The following MEGF6 variants were observed in gnomAD, a reference collection of about 807,000 sequenced individuals.
The protein encoded by MEGF6 is multiple EGF like domains 6.
MEGF6 carries 184 observed loss-of-function variants against 207.1 expected under a neutral mutation model. That is an observed-to-expected ratio of 0.89 (90% CI 0.79 to 1.00). The LOEUF is 1.00. Ranked by LOEUF, MEGF6 falls within the 50% of genes least tolerant of loss-of-function variation. The pLI is 0.00. For synonymous variants in MEGF6, 1,038 were observed against 910.0 expected (o/e 1.14, Z -2.53); for missense variants, 2,282 against 2,202.9 (o/e 1.04, Z -0.72).
chr1:3,591,648 G>T (rs7532517), intron 3 of MEGF6, among the ~76,000 whole-genome samples: 2,214 of 128,266 alleles, frequency 0.017, 28 homozygotes, highest in South Asian at 0.05. Flanking sequence ...CAAGGTCTCA[G>T]AGCTCACAAG....
Position 3,514,687 on chromosome 1 carries a change from C to A in MEGF6, c.731-15G>T. The stretch of plus-strand genomic sequence containing the variant: ...CGGGCTTCTACCTGCAGCCACGGGC[C>A]CGAGGAGGGGGTTGGGGAGAGGGGA... On this transcript the variant is annotated splice_polypyrimidine_tract_variant and intron_variant, in intron 6 of 36. Coordinates refer to ENST00000356575, the MANE Select transcript of MEGF6 (RefSeq NM_001409.4). The A allele has an allele frequency of 6.4e-7, 1 of 1,563,122 alleles. No homozygotes were observed. The highest frequency in any genetic ancestry group is 2.3e-5 in the East Asian group (1 of 43,254).
chr1:3,557,025 CAG>C (rs977306979), intron 4 of MEGF6, among the ~76,000 whole-genome samples: 1 of 152,082 alleles, frequency 6.6e-6, no homozygotes, highest in Non-Finnish European at 1.5e-5. Flanking sequence ...AGGTCGGAGT[CAG>C]AGAGAGAGGC....
intron 34 of MEGF6, chr1:3,493,223 G>A (rs1418945369): frequency 4.5e-6 from 1 of 220,220 alleles, no homozygotes; most frequent in African/African-American, 2.3e-5. Context: ...CTATCCTCAG[G>A]TGGGTCCCTC....
At chr1:3,571,620 T>C (rs1398893805) in intron 4 of MEGF6, among the ~76,000 whole-genome samples, 1 of 151,160 alleles carries the variant, frequency 6.6e-6, no homozygotes, top group Non-Finnish European at 1.5e-5. Flanking sequence ...TTTCCTGGTA[T>C]GCTGGCCCTG....
intron 4 of MEGF6, among the ~76,000 whole-genome samples, chr1:3,554,145 C>T (rs568779421): frequency 5.3e-5 from 8 of 152,206 alleles, no homozygotes; most frequent in South Asian, 2.1e-4. Flanking sequence ...CGCCCCATCC[C>T]GCCCCCGGCA....
intron 5 of MEGF6, among the ~76,000 whole-genome samples, chr1:3,519,662 C>T (rs1240216606): frequency 6.6e-6 from 1 of 152,242 alleles, no homozygotes; most frequent in Non-Finnish European, 1.5e-5. Context: ...CTACGCAGTG[C>T]CCGGCTCCAG....
Position 3,529,500 on chromosome 1 carries a change from G to A in MEGF6, c.482-5254C>T, listed in dbSNP as rs558807673. Among the ~76,000 whole-genome samples, 54 of 152,342 alleles carry A rather than the reference G, an allele frequency of 3.5e-4. 1 individual carries two copies. The South Asian group carries it at 0.01, about 29-fold the overall frequency. ...TGAGAGACGAGTGGGCTCAGAGAGC[G>A]GCTATTTTAAGGAACAGCTGGGCCA... On this transcript the variant is annotated intron_variant, in intron 4 of 36. Coordinates refer to ENST00000356575, the MANE Select transcript of MEGF6 (RefSeq NM_001409.4).
intron 17 of MEGF6, 26 bp from the exon 18 acceptor site, chr1:3,501,947 T>C (rs763666088): frequency 6.8e-7 from 1 of 1,479,118 alleles, no homozygotes; most frequent in Non-Finnish European, 9.0e-7. Flanking sequence ...CGAGGGGCCT[T>C]AGCCGCACCA....
intron 2 of MEGF6, among the ~76,000 whole-genome samples, chr1:3,601,924 A>G (rs60957843): frequency 0.54 from 82,689 of 152,026 alleles, 22,688 homozygotes; most frequent in Non-Finnish European, 0.59. Context: ...CTTCCCTCCC[A>G]CAGACACACG....
Position 3,497,036 on chromosome 1 carries a change from C to CGGTGGCAG in MEGF6, c.3557_3564dup (p.Gly1189LeufsTer88). ...TAGCCAGCAGCACATGAGCAGGTCC[C>CGGTGGCAG]GGTGGCAGGGTGGCAGGCCGGGTTC... is the stretch of plus-strand genomic sequence containing the variant. On this transcript the variant is annotated frameshift_variant, in exon 28 of 37. Transcript: ENST00000356575. LOFTEE classifies it high-confidence loss of function. 1 of 1,553,682 alleles carries CGGTGGCAG rather than the reference C, an allele frequency of 6.4e-7. No individual in the cohort carries two copies. The highest frequency in any genetic ancestry group is 1.2e-5 in the South Asian group (1 of 84,436).
chr1:3,500,843 G>C (rs561462937), intron 20 of MEGF6, 79 bp from the exon 21 acceptor site: 23 of 1,592,298 alleles, frequency 1.4e-5, no homozygotes, highest in Non-Finnish European at 2.0e-5. Flanking sequence ...GCACAGGGGC[G>C]TCTCAGGACT....
chr1:3,501,530 C>G (rs1337198427), intron 18 of MEGF6, among the ~76,000 whole-genome samples: 1 of 152,108 alleles, frequency 6.6e-6, no homozygotes, highest in African/African-American at 2.4e-5. Context: ...CACCGTTCAG[C>G]TGGCAACACA....
intron 35 of MEGF6, among the ~76,000 whole-genome samples, chr1:3,492,241 G>A (rs769843689): frequency 1.3e-5 from 2 of 152,174 alleles, no homozygotes; most frequent in African/African-American, 2.4e-5. Flanking sequence ...CCTGGTGCAC[G>A]TGTATGGGGG....
chr1:3,580,880 G>A (rs1346713847), intron 3 of MEGF6, among the ~76,000 whole-genome samples: 1 of 152,112 alleles, frequency 6.6e-6, no homozygotes, highest in Non-Finnish European at 1.5e-5. Flanking sequence ...TGGGCTCAGT[G>A]AGTTTGTGTG....
chr1:3,580,114 C>T (rs901810817), intron 3 of MEGF6, among the ~76,000 whole-genome samples, 185 bp from the exon 4 acceptor site: 2 of 152,156 alleles, frequency 1.3e-5, no homozygotes, highest in African/African-American at 4.8e-5. Flanking sequence ...AAACTCCAGC[C>T]ACGGCCACGT....
chr1:3,514,480 G>A lies in MEGF6; in HGVS notation c.853+70C>T, dbSNP rs770330001. On this transcript the variant is annotated intron_variant, in intron 7 of 36. Transcript: ENST00000356575. ...AGGCCACGGCCCCAGAGTTAGACACGGGTCCCTCCACAGCACCTGGGTGCG... is the reference window on the plus strand; with the variant it reads ...AGGCCACGGCCCCAGAGTTAGACACAGGTCCCTCCACAGCACCTGGGTGCG... The A allele has an allele frequency of 1.5e-4, 227 of 1,496,698 alleles. 2 individuals are homozygous for A. Among genetic ancestry groups the A allele is most frequent in the South Asian group, 3.0e-4 (24 of 78,958 alleles). 92.7% of individuals were successfully genotyped at this position (1,496,698 alleles called of 1,614,324 possible). A position where few individuals can be genotyped will look rare whatever the true frequency, so the allele number is the denominator to read the frequency against.
At chr1:3,599,958 G>C (rs2101870462) in intron 2 of MEGF6, among the ~76,000 whole-genome samples, 1 of 152,296 alleles carries the variant, frequency 6.6e-6, no homozygotes, top group Middle Eastern at 3.4e-3. Flanking sequence ...TGAGAAAAAG[G>C]AGGCTGACGT....
At chr1:3,493,200 A>T (rs1483846296) in intron 34 of MEGF6, 2 of 225,768 alleles carry the variant, frequency 8.9e-6, no homozygotes, top group African/African-American at 4.6e-5. Context: ...TGCTATCCTC[A>T]GGTGAGCCCC....
In MEGF6 at chr1:3,564,054, C is replaced by T. The variant is rs531902882; in HGVS notation, c.481+15771G>A. Among the ~76,000 whole-genome samples, 352 of 152,270 alleles carry T rather than the reference C, an allele frequency of 2.3e-3. 2 individuals are homozygous for T. Among genetic ancestry groups the T allele is most frequent in the African/African-American group, 8.1e-3 (338 of 41,548 alleles). ...GGAATGAGGCCAGTAGACCCAAGTT[C>T]AGGCAAGCTGATTTACTGTCAGTCC... is the stretch of plus-strand genomic sequence containing the variant. On this transcript the variant is annotated intron_variant, in intron 4 of 36. Transcript: ENST00000356575.
Sources: allele counts gnomAD v4.1 joint callset (sites outside exome capture counted in the v4.1 genomes callset), GRCh38; gene constraint gnomAD v4.1.1; transcripts MANE v1.5; gene names NCBI Gene and HGNC (gene_info 2026-07-23, HGNC 2026-07-21).